Variants in EPS15 observed in about 807,000 individuals in gnomAD.
EPS15 encodes epidermal growth factor receptor substrate 15.
EPS15 carries 72 observed loss-of-function variants against 113.8 expected under a neutral mutation model. The ratio of observed to expected loss-of-function variants is 0.63; its 90% CI spans 0.52 to 0.77. The LOEUF is 0.77. Ranked by LOEUF, EPS15 falls within the 30% of genes least tolerant of loss-of-function variation. The probability of loss-of-function intolerance (pLI) is 0.00; values close to 1 mark genes in which losing one functional copy is unlikely to be tolerated. For synonymous variants in EPS15, 344 were observed against 363.4 expected (o/e 0.95, Z 0.61); for missense variants, 1,048 against 1,045.8 (o/e 1.00, Z -0.03).
intron 12 of EPS15, among the ~76,000 whole-genome samples, chr1:51,439,032 A>C (rs1420778276): frequency 1.3e-5 from 2 of 152,150 alleles, no homozygotes; most frequent in African/African-American, 4.8e-5. Flanking sequence ...GAAATGCCAG[A>C]AGAGAGGCAC....
chr1:51,500,085 T>A (rs2148549220), intron 1 of EPS15, among the ~76,000 whole-genome samples: 1 of 152,344 alleles, frequency 6.6e-6, no homozygotes, highest in Middle Eastern at 3.4e-3. Flanking sequence ...TAGCATAACG[T>A]CTTTAAGATT....
chr1:51,396,588 C>T (rs1647968145), intron 20 of EPS15, among the ~76,000 whole-genome samples: 1 of 152,054 alleles, frequency 6.6e-6, no homozygotes, highest in Non-Finnish European at 1.5e-5. Flanking sequence ...TTTGATTTGC[C>T]ATCACAAGGA....
At chr1:51,364,530 A>C (rs1167642927) in intron 22 of EPS15, among the ~76,000 whole-genome samples, 5 of 151,672 alleles carry the variant, frequency 3.3e-5, no homozygotes, top group African/African-American at 1.2e-4. Context: ...AAAAGGCAGG[A>C]GTCTCCCAAG....
chr1:51,457,535 T>TC (rs1391356778), intron 8 of EPS15: 14 of 135,254 alleles, frequency 1.0e-4, no homozygotes, highest in East Asian at 6.0e-4. Context: ...TTTTTTTTTT[T>TC]CCAGATTCTG....
At chr1:51,465,411 T>C in intron 5 of EPS15, 85 bp from the exon 6 acceptor site, 2 of 816,350 alleles carry the variant, frequency 2.4e-6, no homozygotes, top group South Asian at 1.7e-5. Context: ...GATTTAAATA[T>C]GTTCACACAA....
intron 21 of EPS15, chr1:51,394,179 T>C: frequency 2.3e-6 from 1 of 428,094 alleles, no homozygotes; most frequent in Non-Finnish European, 4.3e-6. Context: ...AGTGTAATAT[T>C]CAACATGAAT....
intron 23 of EPS15, among the ~76,000 whole-genome samples, chr1:51,363,024 G>GCTCA (rs1553185169): frequency 6.6e-6 from 1 of 152,112 alleles, no homozygotes; most frequent in Non-Finnish European, 1.5e-5. Flanking sequence ...TTGGCCAGGT[G>GCTCA]CAGTGGCTCA....
chr1:51,408,583 C>T (rs1649367244), intron 14 of EPS15, among the ~76,000 whole-genome samples: 1 of 151,732 alleles, frequency 6.6e-6, no homozygotes, highest in African/African-American at 2.4e-5. Flanking sequence ...CCCAGCCATA[C>T]CTAGCCCTAT....
intron 21 of EPS15, among the ~76,000 whole-genome samples, chr1:51,387,812 T>C: frequency 6.6e-6 from 1 of 152,196 alleles, no homozygotes; most frequent in South Asian, 2.1e-4. Context: ...GCACCCAGAT[T>C]CATAAAGCAA....
intron 13 of EPS15, among the ~76,000 whole-genome samples, chr1:51,418,005 G>A (rs995351768): frequency 6.6e-6 from 1 of 152,168 alleles, no homozygotes; most frequent in African/African-American, 2.4e-5. Flanking sequence ...CGAATGGAGT[G>A]AGTACTTCTG....
intron 12 of EPS15, among the ~76,000 whole-genome samples, chr1:51,438,298 A>G (rs572245658): frequency 2.6e-4 from 39 of 152,368 alleles, no homozygotes; most frequent in African/African-American, 9.4e-4. Context: ...CTAATAAGAT[A>G]GTCACAAAAT....
At chr1:51,493,114 C>A (rs978036762) in intron 1 of EPS15, among the ~76,000 whole-genome samples, 1 of 152,216 alleles carries the variant, frequency 6.6e-6, no homozygotes, top group African/African-American at 2.4e-5. Flanking sequence ...GTAATCCCAG[C>A]ACTTTGGGAG....
chr1:51,399,182 C>T lies in EPS15; in HGVS notation c.1919-17G>A, dbSNP rs1362837331. On this transcript the variant is annotated splice_polypyrimidine_tract_variant and intron_variant, in intron 19 of 24. Coordinates refer to ENST00000371733, the MANE Select transcript of EPS15 (RefSeq NM_001981.3). ...CAAATGGATCTAAAAAAATAAGGCACGAATATAAGAGACAAAAAAAAATTA... is the reference window on the plus strand; with the variant it reads ...CAAATGGATCTAAAAAAATAAGGCATGAATATAAGAGACAAAAAAAAATTA... 8.1e-6 allele frequency: 13 copies of T among 1,607,830 alleles called. No individual in the cohort carries two copies. Among genetic ancestry groups the T allele is most frequent in the South Asian group, 6.6e-5 (6 of 90,632 alleles).
chr1:51,378,287 G>A (rs1391640805), intron 21 of EPS15, among the ~76,000 whole-genome samples: 2 of 151,958 alleles, frequency 1.3e-5, no homozygotes, highest in Non-Finnish European at 2.9e-5. Flanking sequence ...TAATAGACCA[G>A]AGTATAGTGA....
intron 21 of EPS15, among the ~76,000 whole-genome samples, chr1:51,394,030 T>A (rs929972254): frequency 1.3e-5 from 2 of 152,240 alleles, no homozygotes; most frequent in African/African-American, 4.8e-5. Context: ...TTTCATTTTC[T>A]ACTGGAAGCC....
At position 51,463,704 on chromosome 1, in the gene EPS15, T is replaced by G; in HGVS notation, c.470A>C (p.Asn157Thr). ...AAGGATATCCACAGGTAACTTAGAG[T>G]TGAGCAACACTGGTTTCACTTTATC... is the stretch of plus-strand genomic sequence containing the variant. ...SGDKVKPVLL[N>T]SKLPVDILGR... Residue 157 changes from asparagine (N) to threonine (T), a missense_variant, in exon 7 of 25, where the codon AAC (asparagine) becomes ACC (threonine). Transcript: ENST00000371733. 6.3e-7 allele frequency: 1 copy of G among 1,599,956 alleles called. No individual in the cohort carries two copies. The highest frequency in any genetic ancestry group is 8.6e-7 in the Non-Finnish European group (1 of 1,168,224).
intron 2 of EPS15, among the ~76,000 whole-genome samples, chr1:51,474,130 G>T (rs979025772): frequency 2.6e-5 from 4 of 152,086 alleles, no homozygotes; most frequent in Non-Finnish European, 4.4e-5. Context: ...CATTCTTTTG[G>T]TTACCCTAAT....
At chr1:51,384,575 C>T (rs919373699) in intron 21 of EPS15, among the ~76,000 whole-genome samples, 8 of 151,902 alleles carry the variant, frequency 5.3e-5, no homozygotes, top group Admixed American at 1.3e-4. Flanking sequence ...TGAGCTCAGG[C>T]GATCCACCCA....
intron 12 of EPS15, among the ~76,000 whole-genome samples, chr1:51,435,790 T>C (rs1360799482): frequency 3.9e-5 from 6 of 152,042 alleles, no homozygotes; most frequent in African/African-American, 1.2e-4. Context: ...AGTTAAACAG[T>C]AGAAATACTA....
Sources: gnomAD v4.1 joint callset for allele counts (sites outside exome capture counted in the v4.1 genomes callset) on GRCh38, gnomAD v4.1.1 for gene constraint, MANE v1.5 for transcripts, NCBI Gene and HGNC (gene_info 2026-07-23, HGNC 2026-07-21) for gene names.